Variants in KCNIP4 observed in about 807,000 individuals in gnomAD.
KCNIP4 encodes potassium voltage-gated channel interacting protein 4, also known as Kv channel-interacting protein 4.
KCNIP4 carries 12 observed loss-of-function variants against 34.0 expected under a neutral mutation model. That is an observed-to-expected ratio of 0.35 (90% CI 0.23 to 0.57). KCNIP4 has a LOEUF of 0.57. Among genes scored for constraint, KCNIP4 ranks in the 20% least tolerant of loss-of-function variants. The pLI is 0.83. For synonymous variants in KCNIP4, 124 were observed against 102.2 expected (o/e 1.21, Z -1.29); for missense variants, 238 against 311.7 (o/e 0.76, Z 1.78).
chr4:20,819,922 T>C (rs936057287), intron 3 of KCNIP4, among the ~76,000 whole-genome samples: 1 of 152,186 alleles, frequency 6.6e-6, no homozygotes, highest in African/African-American at 2.4e-5. Flanking sequence ...CTGTGATAAA[T>C]AAATTTCTAT....
At chr4:20,802,182 A>G (rs931858258) in intron 3 of KCNIP4, among the ~76,000 whole-genome samples, 2 of 116,642 alleles carry the variant, frequency 1.7e-5, no homozygotes, top group Non-Finnish European at 3.7e-5. Context: ...TGCTATATAT[A>G]TGCTATATAT....
At chr4:21,064,045 A>C (rs890213173) in intron 1 of KCNIP4, among the ~76,000 whole-genome samples, 2 of 152,094 alleles carry the variant, frequency 1.3e-5, no homozygotes, top group Non-Finnish European at 2.9e-5. Flanking sequence ...TTAATTCTTA[A>C]ACTGCTTAAT....
intron 1 of KCNIP4, among the ~76,000 whole-genome samples, chr4:20,956,284 C>T (rs900170939): frequency 6.6e-6 from 1 of 152,080 alleles, no homozygotes; most frequent in Admixed American, 6.6e-5. Flanking sequence ...GTGGGTGGAT[C>T]ACGAGGTCAG....
intron 1 of KCNIP4, among the ~76,000 whole-genome samples, chr4:21,122,461 T>G (rs1028625248): frequency 6.3e-4 from 71 of 113,108 alleles, no homozygotes; most frequent in African/African-American, 1.2e-3. Flanking sequence ...GATCAAGTTT[T>G]TTTTTTTTTT....
At position 21,339,559 on chromosome 4, in the gene KCNIP4, C is replaced by A. The variant is rs533215930; in HGVS notation, c.62-456850G>T. On this transcript the variant is annotated intron_variant, in intron 1 of 8. Coordinates refer to ENST00000382152, the MANE Select transcript of KCNIP4 (RefSeq NM_025221.6). ...AATTTCCTGAATATAGGTAATAGACCTAACTATGGGATCTGAAGTGGGGAT... is the reference window on the plus strand; with the variant it reads ...AATTTCCTGAATATAGGTAATAGACATAACTATGGGATCTGAAGTGGGGAT... Among the ~76,000 whole-genome samples, 6 of 152,136 alleles carry A rather than the reference C, an allele frequency of 3.9e-5. No homozygotes were observed. In the South Asian group the frequency reaches 1.2e-3, roughly 32 times the overall value.
Position 20,866,608 on chromosome 4 carries a change from T to C in KCNIP4, c.164-15941A>G, listed in dbSNP as rs1007249900. Among the ~76,000 whole-genome samples, 7 of 152,148 alleles carry C rather than the reference T, an allele frequency of 4.6e-5. No individual in the cohort carries two copies. In the East Asian group the frequency reaches 1.4e-3, roughly 29 times the overall value. ...CTTGAGAATTGGAACATGACAAAGA[T>C]GCTCACTCTCACCACTCCTATTCAA... On this transcript the variant is annotated intron_variant, in intron 2 of 8. Coordinates refer to ENST00000382152, the MANE Select transcript of KCNIP4 (RefSeq NM_025221.6).
intron 1 of KCNIP4, among the ~76,000 whole-genome samples, chr4:21,788,489 C>A (rs368294617): frequency 6.6e-6 from 1 of 152,198 alleles, no homozygotes; most frequent in Non-Finnish European, 1.5e-5. Flanking sequence ...ACCTCATCTA[C>A]AGCCTGGCTT....
intron 1 of KCNIP4, among the ~76,000 whole-genome samples, chr4:21,065,752 ATATATATATATAT>A (rs1744316149): frequency 2.1e-5 from 3 of 143,872 alleles, no homozygotes; most frequent in East Asian, 2.0e-4. Context: ...ATATATATAT[ATATATATATATAT>A]AACTCAATTT....
intron 1 of KCNIP4, among the ~76,000 whole-genome samples, chr4:21,619,359 A>G (rs1428285144): frequency 6.6e-6 from 1 of 152,238 alleles, no homozygotes; most frequent in Non-Finnish European, 1.5e-5. Flanking sequence ...GTGCTTGATT[A>G]AGCAAATATT....
chr4:21,201,035 A>G (rs1379051242), intron 1 of KCNIP4, among the ~76,000 whole-genome samples: 3 of 152,178 alleles, frequency 2.0e-5, no homozygotes, highest in Non-Finnish European at 4.4e-5. Context: ...TTGAGATTCA[A>G]TAGGCCAGAC....
At chr4:20,791,552 A>AT (rs895305049) in intron 3 of KCNIP4, among the ~76,000 whole-genome samples, 4 of 151,974 alleles carry the variant, frequency 2.6e-5, no homozygotes, top group South Asian at 4.1e-4. Flanking sequence ...CTTGTAAGAT[A>AT]TTTTTTTTGC....
At position 21,454,051 on chromosome 4, in the gene KCNIP4, CTGT is replaced by C. The variant is rs139228447; in HGVS notation, c.61+494517_61+494519del. 9.7e-3 allele frequency among the ~76,000 whole-genome samples: 1,472 copies of C among 152,182 alleles called. 26 individuals carry two copies. The highest frequency in any genetic ancestry group is 0.034 in the African/African-American group (1,399 of 41,520). ...AATGAACACTCAAAAACATTAACTA[CTGT>C]TGTTGTTACAGTTGGCCCAGCTAGA... On this transcript the variant is annotated intron_variant, in intron 1 of 8. Transcript: ENST00000382152.
chr4:21,874,069 T>TA (rs1248510999), intron 1 of KCNIP4, among the ~76,000 whole-genome samples: 2 of 152,212 alleles, frequency 1.3e-5, no homozygotes, highest in African/African-American at 4.8e-5. Context: ...CTGTGACTGA[T>TA]ACGCATAGCC....
At chr4:20,984,481 A>G (rs1020083036) in intron 1 of KCNIP4, among the ~76,000 whole-genome samples, 4 of 152,170 alleles carry the variant, frequency 2.6e-5, no homozygotes, top group Non-Finnish European at 5.9e-5. Flanking sequence ...CTAGGAAACA[A>G]TCAGTTCTGG....
At chr4:21,106,634 T>A (rs956634065) in intron 1 of KCNIP4, among the ~76,000 whole-genome samples, 4 of 151,576 alleles carry the variant, frequency 2.6e-5, no homozygotes, top group Non-Finnish European at 4.4e-5. Flanking sequence ...TCCTGCCTTC[T>A]GCTAGCGTTT....
intron 2 of KCNIP4, among the ~76,000 whole-genome samples, chr4:20,864,716 A>G (rs966239019): frequency 6.6e-6 from 1 of 152,108 alleles, no homozygotes; most frequent in Admixed American, 6.6e-5. Context: ...TGAGAATTGA[A>G]AGGGGTATTG....
At chr4:21,735,737 A>C (rs1715948252) in intron 1 of KCNIP4, among the ~76,000 whole-genome samples, 2 of 152,210 alleles carry the variant, frequency 1.3e-5, no homozygotes, top group Non-Finnish European at 2.9e-5. Flanking sequence ...AAGAGGAAGC[A>C]AAGATAAGCA....
chr4:21,062,809 G>A (rs1292922264), intron 1 of KCNIP4, among the ~76,000 whole-genome samples: 4 of 152,004 alleles, frequency 2.6e-5, no homozygotes, highest in Non-Finnish European at 5.9e-5. Context: ...CTTGAGGGAG[G>A]GTCAGCCTTT....
intron 1 of KCNIP4, among the ~76,000 whole-genome samples, chr4:21,338,844 C>T (rs970933055): frequency 1.3e-5 from 2 of 152,030 alleles, no homozygotes; most frequent in African/African-American, 2.4e-5. Context: ...TTCTTCATCA[C>T]TTAATCAGTT....
Sources: allele counts gnomAD v4.1 joint callset (sites outside exome capture counted in the v4.1 genomes callset), GRCh38; gene constraint gnomAD v4.1.1; transcripts MANE v1.5; gene names NCBI Gene and HGNC (gene_info 2026-07-23, HGNC 2026-07-21).